ALPK2: variants seen among roughly 807,000 people sequenced by gnomAD.
The protein encoded by ALPK2 is alpha-protein kinase 2.
ALPK2 carries 127 observed loss-of-function variants against 163.1 expected under a neutral mutation model. That is an observed-to-expected ratio of 0.78 (90% CI 0.67 to 0.90). The LOEUF (loss-of-function observed/expected upper bound fraction) is 0.90, where lower values mean the gene tolerates loss of function less well. Ranked by LOEUF, ALPK2 falls within the 40% of genes least tolerant of loss-of-function variation. The pLI is 0.00. For synonymous variants in ALPK2, 953 were observed against 959.1 expected (o/e 0.99, Z 0.12); for missense variants, 2,360 against 2,589.6 (o/e 0.91, Z 1.92).
chr18:58,619,405 C>T (rs1457624490), intron 1 of ALPK2, among the ~76,000 whole-genome samples: 2 of 152,112 alleles, frequency 1.3e-5, no homozygotes, highest in African/African-American at 4.8e-5. Context: ...GTGGAATATT[C>T]GTGAGGATGT....
chr18:58,496,928 A>C (rs1602186115), intron 12 of ALPK2, among the ~76,000 whole-genome samples: 1 of 151,984 alleles, frequency 6.6e-6, no homozygotes, highest in Middle Eastern at 3.4e-3. Flanking sequence ...TGCCCTAATC[A>C]CCCCAGTGCA....
chr18:58,509,643 A>T (rs1347702443), intron 10 of ALPK2, among the ~76,000 whole-genome samples: 1 of 152,054 alleles, frequency 6.6e-6, no homozygotes, highest in Non-Finnish European at 1.5e-5. Flanking sequence ...AGTGATGATG[A>T]ACATTTTTTC....
chr18:58,504,976 G>T (rs1174450673), intron 10 of ALPK2, among the ~76,000 whole-genome samples: 1 of 152,132 alleles, frequency 6.6e-6, no homozygotes, highest in African/African-American at 2.4e-5. Context: ...AGGGAGATTG[G>T]CAGAGGTTGG....
intron 12 of ALPK2, among the ~76,000 whole-genome samples, chr18:58,487,053 C>T (rs1230265261): frequency 2.0e-5 from 3 of 152,210 alleles, no homozygotes; most frequent in African/African-American, 4.8e-5. Context: ...ACTCGCTATC[C>T]TTTTCATGTT....
chr18:58,619,065 G>A (rs982211752), intron 1 of ALPK2, among the ~76,000 whole-genome samples: 4 of 152,184 alleles, frequency 2.6e-5, no homozygotes, highest in Non-Finnish European at 5.9e-5. Flanking sequence ...TTTGGACACC[G>A]CACCCTCTGT....
chr18:58,492,162 C>A (rs1434405198), intron 12 of ALPK2, among the ~76,000 whole-genome samples: 1 of 148,898 alleles, frequency 6.7e-6, no homozygotes, highest in Non-Finnish European at 1.5e-5. Flanking sequence ...CACACACACA[C>A]AACACACAGA....
At chr18:58,618,670 G>A (rs1308855991) in intron 1 of ALPK2, among the ~76,000 whole-genome samples, 6 of 152,198 alleles carry the variant, frequency 3.9e-5, no homozygotes, top group African/African-American at 1.4e-4. Context: ...AAAAAATAAT[G>A]TATTTCTCTC....
chr18:58,618,121 C>T (rs1050047476), intron 1 of ALPK2, among the ~76,000 whole-genome samples: 7 of 152,208 alleles, frequency 4.6e-5, no homozygotes, highest in Non-Finnish European at 7.3e-5. Flanking sequence ...TCTCGGGTCA[C>T]GGCAACCTCC....
At position 58,504,096 on chromosome 18, in the gene ALPK2, T is replaced by C. The variant is rs764965896; in HGVS notation, c.6082A>G (p.Thr2028Ala). ...TCTCCAATCAGCTCCTCCTCCACTG[T>C]AGCATACGGGATATTGTTCTCAGGC... is the stretch of plus-strand genomic sequence containing the variant. The part of the protein sequence containing the change: ...HRPENNIPYA[T>A]VEEELIGEFV... The change falls in exon 11 of 13, where the codon ACA becomes GCA. Residue 2028 changes from threonine (T) to alanine (A), a missense_variant. Transcript: ENST00000361673. 25 of 1,614,194 alleles carry C rather than the reference T, an allele frequency of 1.5e-5. No individual in the cohort carries two copies. Among genetic ancestry groups the C allele is most frequent in the Non-Finnish European group, 2.1e-5 (25 of 1,180,026 alleles).
chr18:58,535,284 G>A lies in ALPK2; in HGVS notation c.4903C>T (p.Leu1635Phe). 4 of 1,614,108 alleles carry A rather than the reference G, an allele frequency of 2.5e-6. No homozygotes were observed. The highest frequency in any genetic ancestry group is 3.4e-6 in the Non-Finnish European group (4 of 1,180,028). The change falls in exon 5 of 13, where the codon CTT (leucine) becomes TTT (phenylalanine). Residue 1635 changes from leucine (L) to phenylalanine (F), a missense_variant. Coordinates refer to ENST00000361673, the MANE Select transcript of ALPK2 (RefSeq NM_052947.4). Reference sequence around the variant, plus strand: ...GGGGGTTTGGTTTCCCCAATTTGAAGCACCTCTATTTTAGGTTCCTCCATT... The same window carrying A: ...GGGGGTTTGGTTTCCCCAATTTGAAACACCTCTATTTTAGGTTCCTCCATT... ...HKMEEPKIEV[L>F]QIGETKPPSS...
At chr18:58,565,461 T>C (rs1031119642) in intron 4 of ALPK2, among the ~76,000 whole-genome samples, 5 of 152,228 alleles carry the variant, frequency 3.3e-5, no homozygotes, top group African/African-American at 7.2e-5. Context: ...AATTTGTATT[T>C]TCCTAATTAC....
chr18:58,611,099 A>G (rs1448599589), intron 2 of ALPK2, among the ~76,000 whole-genome samples: 1 of 151,234 alleles, frequency 6.6e-6, no homozygotes, highest in African/African-American at 2.4e-5. Context: ...TCTCAAAAAA[A>G]AAAAAACAAT....
intron 3 of ALPK2, among the ~76,000 whole-genome samples, chr18:58,607,120 A>G (rs2052102088): frequency 6.6e-6 from 1 of 152,260 alleles, no homozygotes; most frequent in African/African-American, 2.4e-5. Context: ...ACAGCAGCAA[A>G]TTAGGGGAAT....
At chr18:58,497,110 C>T (rs2051404823) in intron 12 of ALPK2, among the ~76,000 whole-genome samples, 1 of 152,260 alleles carries the variant, frequency 6.6e-6, no homozygotes, top group Non-Finnish European at 1.5e-5. Context: ...CCTGCTGCTT[C>T]TTAGATGGCC....
intron 4 of ALPK2, among the ~76,000 whole-genome samples, chr18:58,573,613 C>CT (rs778622176): frequency 0.033 from 1,733 of 51,742 alleles, 90 homozygotes; most frequent in African/African-American, 0.11. Flanking sequence ...TTTTTGTCTT[C>CT]TTTTTTTTTT....
chr18:58,557,020 AC>A (rs2144171532), intron 4 of ALPK2: 1 of 152,440 alleles, frequency 6.6e-6, no homozygotes, highest in Non-Finnish European at 1.5e-5. Context: ...CTGTAGCTCC[AC>A]GGTAACCTGA....
chr18:58,493,915 A>G (rs2051388010), intron 12 of ALPK2, among the ~76,000 whole-genome samples: 1 of 152,148 alleles, frequency 6.6e-6, no homozygotes, highest in Non-Finnish European at 1.5e-5. Flanking sequence ...TTTTATTTCA[A>G]TCTGGCAACA....
In ALPK2 at chr18:58,515,089, G is replaced by T. The variant is rs144807827; in HGVS notation, c.5941-8C>A. 1 of 1,601,768 alleles carries T rather than the reference G, an allele frequency of 6.2e-7. No individual in the cohort carries two copies. Among genetic ancestry groups the T allele is most frequent in the East Asian group, 2.3e-5 (1 of 44,380 alleles). On this transcript the variant is annotated splice_region_variant and splice_polypyrimidine_tract_variant and intron_variant, in intron 9 of 12. Coordinates refer to ENST00000361673, the MANE Select transcript of ALPK2 (RefSeq NM_052947.4). ...ATTTTGAACATAGCATTCCTATATCGCCAAAATACATAGAAAGCCCCAGTG... is the reference window on the plus strand; with the variant it reads ...ATTTTGAACATAGCATTCCTATATCTCCAAAATACATAGAAAGCCCCAGTG...
At chr18:58,601,268 A>AT (rs2052068206) in intron 3 of ALPK2, among the ~76,000 whole-genome samples, 1 of 152,116 alleles carries the variant, frequency 6.6e-6, no homozygotes, top group African/African-American at 2.4e-5. Context: ...AAAAAAAAGG[A>AT]TAAAAAAATT....
Sources: gnomAD v4.1 joint callset for allele counts (sites outside exome capture counted in the v4.1 genomes callset) on GRCh38, gnomAD v4.1.1 for gene constraint, MANE v1.5 for transcripts, NCBI Gene and HGNC (gene_info 2026-07-23, HGNC 2026-07-21) for gene names.